The following SLC30A9 variants were observed in gnomAD, a reference collection of about 807,000 sequenced individuals.
SLC30A9 encodes proton-coupled zinc antiporter SLC30A9, mitochondrial.
Under a neutral mutation model 87.5 loss-of-function variants are expected in SLC30A9, and 58 were observed. That is an observed-to-expected ratio of 0.66 (90% CI 0.54 to 0.82). SLC30A9 has a LOEUF of 0.82. Among genes scored for constraint, SLC30A9 ranks in the 40% least tolerant of loss-of-function variants. SLC30A9 has a pLI of 0.00. For missense variants in SLC30A9, 557 were observed against 679.1 expected (o/e 0.82, Z 2.00); for synonymous variants, 234 against 233.0 (o/e 1.00, Z -0.04).
intron 9 of SLC30A9, among the ~76,000 whole-genome samples, chr4:42,053,688 C>G (rs1717476594): frequency 1.2e-5 from 1 of 83,376 alleles, no homozygotes; most frequent in African/African-American, 5.4e-5. Flanking sequence ...AAGAGTGACT[C>G]GGTCTCCAAA....
chr4:42,041,167 C>T (rs1716907079), intron 8 of SLC30A9, among the ~76,000 whole-genome samples: 1 of 152,214 alleles, frequency 6.6e-6, no homozygotes, highest in South Asian at 2.1e-4. Flanking sequence ...ATGCTTCAGT[C>T]ATCTCCCACT....
At chr4:42,059,588 T>C (rs1717762184) in intron 9 of SLC30A9, among the ~76,000 whole-genome samples, 1 of 152,160 alleles carries the variant, frequency 6.6e-6, no homozygotes, top group South Asian at 2.1e-4. Context: ...ACACAATATA[T>C]ATATATTGTT....
chr4:42,020,411 T>C lies in SLC30A9; in HGVS notation c.335-5T>C. ...ATTTATTATGTTTTCCTGTTTTTTGTTTAGTTAAAGCAGTCCTTAAGAAAA... is the reference window on the plus strand; with the variant it reads ...ATTTATTATGTTTTCCTGTTTTTTGCTTAGTTAAAGCAGTCCTTAAGAAAA... On this transcript the variant is annotated splice_polypyrimidine_tract_variant and splice_region_variant and intron_variant, in intron 3 of 17. Transcript: ENST00000264451. The C allele has an allele frequency of 7.3e-7, 1 of 1,374,584 alleles. No homozygotes were observed. Among genetic ancestry groups the C allele is most frequent in the Non-Finnish European group, 1.0e-6 (1 of 975,000 alleles). The allele number at this position is 1,374,584 out of a possible 1,614,324, so 85.1% of individuals were successfully genotyped here. A position where few individuals can be genotyped will look rare whatever the true frequency, so the allele number is the denominator to read the frequency against.
At chr4:42,062,531 G>A (rs148135602) in intron 10 of SLC30A9, among the ~76,000 whole-genome samples, 8 of 152,286 alleles carry the variant, frequency 5.3e-5, no homozygotes, top group African/African-American at 1.9e-4. Flanking sequence ...TAAATTATGT[G>A]TTGTAAACTT....
intron 6 of SLC30A9, among the ~76,000 whole-genome samples, chr4:42,031,669 T>C (rs1338059693): frequency 3.3e-5 from 5 of 152,222 alleles, no homozygotes; most frequent in Non-Finnish European, 7.3e-5. Flanking sequence ...ACTAACTGAA[T>C]CCCAATTAAG....
intron 1 of SLC30A9, among the ~76,000 whole-genome samples, chr4:41,994,160 GA>G (rs932313095): frequency 1.4e-5 from 1 of 73,280 alleles, no homozygotes; most frequent in African/African-American, 3.2e-5. Flanking sequence ...CATCTCAAAA[GA>G]AAAAAAAAAG....
Position 42,067,129 on chromosome 4 carries a change from G to C in SLC30A9, c.1189G>C (p.Asp397His). ...DPSTNVILLE[D>H]TAAVLGVIIA... is the part of the protein sequence containing the mutation. ...TAGTACAAATGTGATATTATTGGAGGATACTGCTGCAGTCTTGGGAGTTAT... is the reference window on the plus strand; with the variant it reads ...TAGTACAAATGTGATATTATTGGAGCATACTGCTGCAGTCTTGGGAGTTAT... Residue 397 changes from aspartate to histidine, a missense_variant, in exon 14 of 18, where the codon GAT (aspartate) becomes CAT (histidine). Physicochemically the swap from Asp to His is moderately conservative, Grantham distance 81. This residue lies in a region of SLC30A9 where 467 missense variants were observed against 529.8 expected (regional missense o/e 0.88). Transcript: ENST00000264451. 1 of 1,612,842 alleles carries C rather than the reference G, an allele frequency of 6.2e-7. No homozygotes were observed. Among genetic ancestry groups the C allele is most frequent in the Non-Finnish European group, 8.5e-7 (1 of 1,179,108 alleles).
chr4:42,075,863 T>G, intron 16 of SLC30A9, 77 bp downstream of exon 16: 1 of 1,434,308 alleles, frequency 7.0e-7, no homozygotes, highest in African/African-American at 1.4e-5. Flanking sequence ...GAAATTTTTT[T>G]TTATAGATCT....
chr4:42,054,404 T>C (rs180983258), intron 9 of SLC30A9, among the ~76,000 whole-genome samples: 1 of 152,220 alleles, frequency 6.6e-6, no homozygotes, highest in Admixed American at 6.5e-5. Context: ...TGCATTTCAT[T>C]GTATGTGAAT....
intron 9 of SLC30A9, among the ~76,000 whole-genome samples, chr4:42,055,506 C>T (rs540311550): frequency 2.8e-4 from 43 of 152,310 alleles, no homozygotes; most frequent in African/African-American, 9.6e-4. Context: ...CCTGCCTCAG[C>T]TTCCCGAATA....
chr4:42,033,579 T>A (rs1390805268), intron 6 of SLC30A9, among the ~76,000 whole-genome samples: 1 of 152,220 alleles, frequency 6.6e-6, no homozygotes, highest in Non-Finnish European at 1.5e-5. Flanking sequence ...TACTTTCTGG[T>A]CTTGCTTTTT....
rs114334203 is a variant in SLC30A9, at chr4:42,039,400, C to T, written c.737+347C>T. Among the ~76,000 whole-genome samples, 487 of 151,524 alleles carry T rather than the reference C, an allele frequency of 3.2e-3. 2 individuals carry two copies. The highest frequency in any genetic ancestry group is 0.011 in the African/African-American group (466 of 41,304). ...ACAGCTACTGAAGAATATCTTTGTGCTTATTATCTTTATTCCACTTATCTT... is the reference window on the plus strand; with the variant it reads ...ACAGCTACTGAAGAATATCTTTGTGTTTATTATCTTTATTCCACTTATCTT... On this transcript the variant is annotated intron_variant, in intron 8 of 17. Coordinates refer to ENST00000264451, the MANE Select transcript of SLC30A9 (RefSeq NM_006345.4).
At chr4:42,027,773 G>T (rs543723194) in intron 6 of SLC30A9, among the ~76,000 whole-genome samples, 1 of 152,260 alleles carries the variant, frequency 6.6e-6, no homozygotes, top group African/African-American at 2.4e-5. Context: ...TGAAAATGAG[G>T]CTGCAACCAA....
In SLC30A9 at chr4:41,990,543, C is replaced by G; in HGVS notation, c.-109C>G. 1.6e-6 allele frequency: 1 copy of G among 616,264 alleles called. No individual in the cohort carries two copies. The highest frequency in any genetic ancestry group is 2.7e-6 in the Non-Finnish European group (1 of 365,052). The allele number at this position is 616,264 out of a possible 1,614,324, so 38.2% of individuals were successfully genotyped here. ...TCCGGGTCACCCAGGCAGCTTGTGG[C>G]GGCGAAGCCATCGGTGTTCGCTGAT... On this transcript the variant is annotated 5_prime_UTR_variant, in exon 1 of 18. Coordinates refer to ENST00000264451, the MANE Select transcript of SLC30A9 (RefSeq NM_006345.4).
chr4:42,022,083 C>G (rs62302129), intron 4 of SLC30A9, among the ~76,000 whole-genome samples: 1 of 27,150 alleles, frequency 3.7e-5, no homozygotes, highest in Non-Finnish European at 2.8e-4. Flanking sequence ...CTACAGGCGC[C>G]CGCCACCACG....
At chr4:42,053,859 AAG>A (rs1717491140) in intron 9 of SLC30A9, among the ~76,000 whole-genome samples, 1 of 152,148 alleles carries the variant, frequency 6.6e-6, no homozygotes, top group African/African-American at 2.4e-5. Flanking sequence ...AAAGGGAATG[AAG>A]TACTTTTCTG....
chr4:42,080,825 A>G (rs1252331079), intron 17 of SLC30A9, among the ~76,000 whole-genome samples: 1 of 152,182 alleles, frequency 6.6e-6, no homozygotes, highest in Admixed American at 6.5e-5. Flanking sequence ...CTATTTTTAT[A>G]CTCTGAATGA....
intron 1 of SLC30A9, among the ~76,000 whole-genome samples, chr4:41,997,217 G>T (rs1046405703): frequency 1.3e-5 from 2 of 151,546 alleles, no homozygotes; most frequent in Admixed American, 1.3e-4. Context: ...TACATCAGCA[G>T]TGGTCTTCTA....
chr4:42,002,427 T>A (rs1715025000), intron 2 of SLC30A9, among the ~76,000 whole-genome samples: 1 of 151,954 alleles, frequency 6.6e-6, no homozygotes, highest in Non-Finnish European at 1.5e-5. Context: ...GCCCTCTCTC[T>A]CTCTCCCTCA....
Sources: gnomAD v4.1 joint callset for allele counts (sites outside exome capture counted in the v4.1 genomes callset) on GRCh38, gnomAD v4.1.1 for gene constraint, gnomAD v4.1.1 regional missense constraint, MANE v1.5 for transcripts, NCBI Gene and HGNC (gene_info 2026-07-23, HGNC 2026-07-21) for gene names.